PAOX: variants seen among roughly 807,000 people sequenced by gnomAD.
PAOX encodes peroxisomal N(1)-acetyl-spermine/spermidine oxidase.
Under a neutral mutation model 39.0 loss-of-function variants are expected in PAOX, and 38 were observed. That is an observed-to-expected ratio of 0.97 (90% CI 0.75 to 1.28). The LOEUF (loss-of-function observed/expected upper bound fraction) is 1.28, where lower values mean the gene tolerates loss of function less well. Ranked by LOEUF, PAOX falls within the 50% of genes most tolerant of loss-of-function variation. The pLI is 0.00. For synonymous variants in PAOX, 311 were observed against 314.4 expected (o/e 0.99, Z 0.11); for missense variants, 667 against 685.7 (o/e 0.97, Z 0.30).
intron 4 of PAOX, among the ~76,000 whole-genome samples, chr10:133,386,845 G>A (rs1158078197): frequency 2.0e-5 from 3 of 152,222 alleles, no homozygotes; most frequent in Non-Finnish European, 4.4e-5. Context: ...AAGTCAAGAT[G>A]TAGTAGTAAT....
In PAOX at chr10:133,389,633, C is replaced by T. The variant is rs374678454; in HGVS notation, c.1278C>T (p.Arg426=). ...LPAPKSVLRS[R]WHSAPYTRGS... ...CGCCCAAGAGCGTCCTGCGGTCTCG[C>T]TGGCACAGCGCCCCGTACACTAGGG... Residue 426 remains arginine (R), a synonymous_variant, in exon 6 of 7, where the codon CGC becomes CGT. Coordinates refer to ENST00000278060, the MANE Select transcript of PAOX (RefSeq NM_152911.4). 9.3e-6 allele frequency: 15 copies of T among 1,613,516 alleles called. No individual in the cohort carries two copies. The highest frequency in any genetic ancestry group is 1.3e-5 in the Non-Finnish European group (15 of 1,180,022).
rs781734710 is a variant in PAOX, at chr10:133,384,181, C to G, written c.1090C>G (p.Leu364Val). ...GCTACAGGACGCCTGGTTCCGGAAG[C>G]TCATTGGCTTTGTGGTCCTGCCTGC... The part of the protein sequence containing the change: ...PELQDAWFRK[L>V]IGFVVLPAFA... The change falls in exon 4 of 7, where the codon CTC becomes GTC. Residue 364 changes from leucine to valine, a missense_variant. By Grantham distance (32) the Leu-to-Val change is conservative. Coordinates refer to ENST00000278060, the MANE Select transcript of PAOX (RefSeq NM_152911.4). The surrounding 1 kb of genome is among the most constrained non-coding windows in gnomAD (Gnocchi z 4.3). 3 of 1,614,054 alleles carry G rather than the reference C, an allele frequency of 1.9e-6. No homozygotes were observed. The highest frequency in any genetic ancestry group is 2.7e-5 in the African/African-American group (2 of 75,054).
intron 6 of PAOX, 60 bp downstream of exon 6, chr10:133,389,807 T>G: frequency 7.2e-7 from 1 of 1,395,682 alleles, no homozygotes; most frequent in Non-Finnish European, 9.3e-7. Flanking sequence ...CCGCCGAGTC[T>G]GGGCGCTGCA....
In PAOX at chr10:133,380,252, G is replaced by A. The variant is rs1257876450; in HGVS notation, c.435G>A (p.Leu145=). The part of the protein sequence containing the change: ...YGLIDQTREF[L]HAAETPVPSV... ...TGATAGACCAGACCCGGGAGTTCCT[G>A]CACGCTGCAGAGACCCCGGTGCCCA... Residue 145 remains leucine (L), a synonymous_variant, in exon 2 of 7, where the codon CTG becomes CTA. Coordinates refer to ENST00000278060, the MANE Select transcript of PAOX (RefSeq NM_152911.4). The A allele has an allele frequency of 1.9e-6, 3 of 1,612,780 alleles. No individual in the cohort carries two copies. Among genetic ancestry groups the A allele is most frequent in the East Asian group, 2.2e-5 (1 of 44,890 alleles).
rs1266329886 is a variant in PAOX, at chr10:133,380,259, G to A, written c.442G>A (p.Ala148Thr). The A allele has an allele frequency of 1.2e-6, 2 of 1,612,902 alleles. No homozygotes were observed. Residue 148 changes from alanine (A) to threonine (T), a missense_variant, in exon 2 of 7, where the codon GCA becomes ACA. Transcript: ENST00000278060. ...IDQTREFLHAAETPVPSVGEY... is the reference protein window; with the variant it reads ...IDQTREFLHATETPVPSVGEY... ...CCAGACCCGGGAGTTCCTGCACGCT[G>A]CAGAGACCCCGGTGCCCAGCGTCGG...
In PAOX at chr10:133,380,291, C is replaced by G; in HGVS notation, c.474C>G (p.Tyr158Ter). 6.2e-7 allele frequency: 1 copy of G among 1,612,892 alleles called. No individual in the cohort carries two copies. The highest frequency in any genetic ancestry group is 8.5e-7 in the Non-Finnish European group (1 of 1,180,022). The part of the protein sequence containing the change: ...AETPVPSVGE[Y>*]LKKEIGQHVA... The stretch of plus-strand genomic sequence containing the variant: ...CCCCGGTGCCCAGCGTCGGGGAGTA[C>G]CTCAAGAAGGAGATTGGCCAGCACG... The change falls in exon 2 of 7, where the codon TAC (tyrosine) becomes TAG (stop). Residue 158 changes from tyrosine to a stop codon, truncating the protein, a stop_gained. Coordinates refer to ENST00000278060, the MANE Select transcript of PAOX (RefSeq NM_152911.4). LOFTEE classifies it high-confidence loss of function.
chr10:133,390,883 T>C, intron 6 of PAOX: 1 of 663,506 alleles, frequency 1.5e-6, no homozygotes, highest in Non-Finnish European at 2.7e-6. Flanking sequence ...ATTCAGTGTT[T>C]ACACCCCTTG....
Position 133,379,303 on chromosome 10 carries a change from G to C in PAOX, c.-14G>C. 1 of 1,214,320 alleles carries C rather than the reference G, an allele frequency of 8.2e-7. No individual in the cohort carries two copies. The highest frequency in any genetic ancestry group is 1.0e-6 in the Non-Finnish European group (1 of 977,244). 75.2% of individuals were successfully genotyped at this position (1,214,320 alleles called of 1,614,324 possible). ...CCGGCTACTCAGAAGCCCTCGGACT[G>C]CCCGGACCGCGCGATGGAGTCGACC... On this transcript the variant is annotated 5_prime_UTR_variant, in exon 1 of 7. Transcript: ENST00000278060.
At chr10:133,381,772 C>G in intron 3 of PAOX, 113 bp downstream of exon 3, 3 of 1,065,520 alleles carry the variant, frequency 2.8e-6, no homozygotes, top group South Asian at 3.0e-5. Context: ...CATTTTCGTT[C>G]TAGTAAGTTC....
In PAOX at chr10:133,379,726, C is replaced by G. The variant is rs202141384; in HGVS notation, c.181+229C>G. On this transcript the variant is annotated intron_variant, in intron 1 of 6. Coordinates refer to ENST00000278060, the MANE Select transcript of PAOX (RefSeq NM_152911.4). Reference sequence around the variant, plus strand: ...CGACCTACGGCTCCACAAGGCCGCCCTGATTCTGCCCCACGGGGGCCCCCC... The same window carrying G: ...CGACCTACGGCTCCACAAGGCCGCCGTGATTCTGCCCCACGGGGGCCCCCC... 222 of 533,438 alleles carry G rather than the reference C, an allele frequency of 4.2e-4. 2 individuals carry two copies. In the East Asian group the frequency reaches 6.7e-3, roughly 16 times the overall value. 33.0% of individuals were successfully genotyped at this position (533,438 alleles called of 1,614,324 possible).
chr10:133,387,549 G>A (rs989926411), intron 4 of PAOX, among the ~76,000 whole-genome samples: 1 of 152,210 alleles, frequency 6.6e-6, no homozygotes, highest in Admixed American at 6.5e-5. Context: ...TCAAGAAAAT[G>A]TCACCAAATA....
chr10:133,379,357 C>T lies in PAOX; in HGVS notation c.41C>T (p.Pro14Leu). Residue 14 changes from proline (P) to leucine (L), a missense_variant, in exon 1 of 7, where the codon CCC (proline) becomes CTC (leucine). By Grantham distance (98) the Pro-to-Leu change is moderately conservative (BLOSUM62 -3). Transcript: ENST00000278060. ...AGCGTCGGGGAGGCCCCGGGCGGAC[C>T]CCGGGTGCTGGTGGTGGGCGGCGGC... Reference protein sequence around the residue: ...TGSVGEAPGGPRVLVVGGGIA... With the variant: ...TGSVGEAPGGLRVLVVGGGIA... 2 of 1,219,328 alleles carry T rather than the reference C, an allele frequency of 1.6e-6. No homozygotes were observed. Among genetic ancestry groups the T allele is most frequent in the Non-Finnish European group, 2.0e-6 (2 of 980,116 alleles). The allele number at this position is 1,219,328 out of a possible 1,614,324, so 75.5% of individuals were successfully genotyped here.
intron 2 of PAOX, 56 bp from the exon 3 acceptor site, chr10:133,381,404 A>G: frequency 6.5e-7 from 1 of 1,546,650 alleles, no homozygotes; most frequent in Non-Finnish European, 8.9e-7. Context: ...TATTTCCACC[A>G]GTCCTGCCCT....
chr10:133,385,788 T>C (rs1168207460), intron 4 of PAOX, among the ~76,000 whole-genome samples: 1 of 152,040 alleles, frequency 6.6e-6, no homozygotes, highest in Non-Finnish European at 1.5e-5. Context: ...TTTCACCGTG[T>C]TAGCCAGGAT....
At chr10:133,390,915 A>C in intron 6 of PAOX, 1 of 692,092 alleles carries the variant, frequency 1.4e-6, no homozygotes, top group Non-Finnish European at 2.6e-6. Context: ...AGCTGTTCAC[A>C]CCTGAGCTGC....
At chr10:133,383,223 T>G (rs1295660584) in intron 3 of PAOX, among the ~76,000 whole-genome samples, 1 of 152,190 alleles carries the variant, frequency 6.6e-6, no homozygotes, top group Non-Finnish European at 1.5e-5. Flanking sequence ...ACGCAGTGTT[T>G]TCTTGTCATT....
rs942865014 is a variant in PAOX, at chr10:133,381,676, G to A, written c.868+17G>A. 6.2e-7 allele frequency: 1 copy of A among 1,611,460 alleles called. No individual in the cohort carries two copies. Among genetic ancestry groups the A allele is most frequent in the Non-Finnish European group, 8.5e-7 (1 of 1,179,126 alleles). ...TGCCCTTAGGTAGGTCAGGTTTTCA[G>A]CCCAAACCCCCATCCCAAGTGCCCC... On this transcript the variant is annotated intron_variant, in intron 3 of 6. Coordinates refer to ENST00000278060, the MANE Select transcript of PAOX (RefSeq NM_152911.4).
chr10:133,380,381 C>T lies in PAOX; in HGVS notation c.564C>T (p.Phe188=), dbSNP rs1321883127. 6.2e-7 allele frequency: 1 copy of T among 1,612,822 alleles called. No homozygotes were observed. Among genetic ancestry groups the T allele is most frequent in the African/African-American group, 1.3e-5 (1 of 74,942 alleles). ...AGCTGGCCGTCCTGAACTCCTTCTT[C>T]AACCTGGAATGCTGTGTGAGCGGCA... ...KLKLAVLNSF[F]NLECCVSGTH... is the part of the protein sequence containing the mutation. Residue 188 remains phenylalanine, a synonymous_variant, in exon 2 of 7, where the codon TTC becomes TTT. Coordinates refer to ENST00000278060, the MANE Select transcript of PAOX (RefSeq NM_152911.4).
Position 133,380,437 on chromosome 10 carries a change from C to T in PAOX, c.620C>T (p.Pro207Leu), listed in dbSNP as rs1849333490. The change falls in exon 2 of 7, where the codon CCC (proline) becomes CTC (leucine). Residue 207 changes from proline (P) to leucine (L), a missense_variant. Physicochemically the swap from Pro to Leu is moderately conservative, Grantham distance 98 (BLOSUM62 -3). Transcript: ENST00000278060. ...AGCATGGACCTGGTGGCCCTGGCACCCTTTGGGGAGTATACCGTGCTGCCG... is the reference window on the plus strand; with the variant it reads ...AGCATGGACCTGGTGGCCCTGGCACTCTTTGGGGAGTATACCGTGCTGCCG... ...THSMDLVALA[P>L]FGEYTVLPGL... The T allele has an allele frequency of 1.2e-6, 2 of 1,612,178 alleles. No homozygotes were observed. The highest frequency in any genetic ancestry group is 1.1e-5 in the South Asian group (1 of 91,084).
Sources: allele counts gnomAD v4.1 joint callset (sites outside exome capture counted in the v4.1 genomes callset), GRCh38; gene constraint gnomAD v4.1.1; non-coding constraint Gnocchi (gnomAD v3.1); transcripts MANE v1.5; gene names NCBI Gene and HGNC (gene_info 2026-07-23, HGNC 2026-07-21).